The following MKLN1 variants were observed in gnomAD, a reference collection of about 807,000 sequenced individuals.
MKLN1 encodes muskelin 1.
Under a neutral mutation model 99.0 loss-of-function variants are expected in MKLN1, and 18 were observed. The observed-to-expected ratio is 0.18, with a 90% CI of 0.13 to 0.27. The LOEUF (loss-of-function observed/expected upper bound fraction) is 0.27. MKLN1 is among the 10% of genes least tolerant of loss of function. The pLI is 1.00. For missense variants in MKLN1, 621 were observed against 875.9 expected (o/e 0.71, Z 3.67); for synonymous variants, 288 against 293.2 (o/e 0.98, Z 0.18).
chr7:131,326,028 C>A (rs919502944), upstream of MKLN1, among the ~76,000 whole-genome samples: 21 of 151,978 alleles, frequency 1.4e-4, no homozygotes, highest in Non-Finnish European at 2.6e-4. Flanking sequence ...AACTAATTAA[C>A]ATGTGTTTTT....
intron 1 of MKLN1, among the ~76,000 whole-genome samples, chr7:131,336,917 C>G (rs1359439343): frequency 1.3e-5 from 2 of 152,106 alleles, no homozygotes; most frequent in Non-Finnish European, 1.5e-5. Context: ...TTTGGTGGTA[C>G]TGAATTCTCA....
At chr7:131,405,968 TAAG>T (rs1471593241) in intron 6 of MKLN1, among the ~76,000 whole-genome samples, 2 of 152,136 alleles carry the variant, frequency 1.3e-5, no homozygotes, top group African/African-American at 4.8e-5. Flanking sequence ...TCTTTATCAA[TAAG>T]AATTTTCTGT....
At chr7:131,267,412 G>A (rs1000153117) in intron 3 of MKLN1, among the ~76,000 whole-genome samples, 1 of 152,110 alleles carries the variant, frequency 6.6e-6, no homozygotes, top group African/African-American at 2.4e-5. Context: ...CCCTCCACCA[G>A]GGTCCTGACT....
chr7:131,371,763 A>AAC (rs1793470339), intron 1 of MKLN1, among the ~76,000 whole-genome samples: 2 of 124,922 alleles, frequency 1.6e-5, no homozygotes, highest in Admixed American at 1.6e-4. Context: ...TGACATATAT[A>AAC]ACATATATAT....
intron 10 of MKLN1, among the ~76,000 whole-genome samples, chr7:131,438,409 A>T (rs1795736134): frequency 6.6e-6 from 1 of 150,972 alleles, no homozygotes; most frequent in African/African-American, 2.4e-5. Context: ...TCTTCCAGTT[A>T]GAGTGAAATA....
rs180926707 is a variant in MKLN1 at position 131,242,715 on chromosome 7, C to G, written c.-179+39741C>G. 2.9e-5 allele frequency: 20 copies of G among 684,318 alleles called. No individual in the cohort carries two copies. The East Asian group carries it at 5.4e-4, about 18-fold the overall frequency. 42.4% of individuals were successfully genotyped at this position (684,318 alleles called of 1,614,324 possible). On this transcript the variant is annotated intron_variant, in intron 3 of 7. Coordinates refer to the MKLN1 transcript ENST00000416992. ...CTTAGATCGCCCCTACAGCCATGCT[C>G]TGGTGGCTGGAATTGACCGCTGTCC...
At chr7:131,344,853 G>C (rs1799508375) in intron 1 of MKLN1, among the ~76,000 whole-genome samples, 1 of 152,058 alleles carries the variant, frequency 6.6e-6, no homozygotes, top group African/African-American at 2.4e-5. Context: ...CCAGGCTGGA[G>C]TGCAGTGGCG....
intron 1 of MKLN1, among the ~76,000 whole-genome samples, chr7:131,335,680 T>G (rs1799229411): frequency 7.0e-6 from 1 of 143,018 alleles, no homozygotes. Context: ...TTTTGGCTTA[T>G]TCTTTGACCT....
chr7:131,461,662 A>G lies in MKLN1; in HGVS notation c.1526-1555A>G, dbSNP rs140736932. 1.5e-3 allele frequency among the ~76,000 whole-genome samples: 231 copies of G among 152,322 alleles called. 4 individuals are homozygous for G. The highest frequency in any genetic ancestry group is 5.2e-3 in the African/African-American group (217 of 41,574). On this transcript the variant is annotated intron_variant, in intron 12 of 17. Transcript: ENST00000352689. ...ATGGCTGGCATCTCCTGCAATACAT[A>G]GTATTCTAGGTTGACGTAAATATTT...
intron 3 of MKLN1, among the ~76,000 whole-genome samples, chr7:131,304,692 C>G (rs943826135): frequency 6.6e-6 from 1 of 152,128 alleles, no homozygotes; most frequent in Admixed American, 6.5e-5. Context: ...CCTTATAGGA[C>G]CTATCTGAAG....
chr7:131,173,974 C>CTTTTTTTT (rs1191131472), intron 2 of MKLN1, among the ~76,000 whole-genome samples: 2 of 129,676 alleles, frequency 1.5e-5, no homozygotes, highest in Non-Finnish European at 3.2e-5. Flanking sequence ...TTTTCTTTTT[C>CTTTTTTTT]TTTTTTTTTT....
intron 2 of MKLN1, among the ~76,000 whole-genome samples, chr7:131,380,390 A>C (rs1305539674): frequency 6.6e-6 from 1 of 152,220 alleles, no homozygotes; most frequent in Non-Finnish European, 1.5e-5. Context: ...ATGAAAATTA[A>C]TATTGAAAAT....
At chr7:131,226,016 C>T (rs1029428163) in intron 3 of MKLN1, among the ~76,000 whole-genome samples, 15 of 152,082 alleles carry the variant, frequency 9.9e-5, no homozygotes, top group Admixed American at 3.3e-4. Context: ...CTCTCTACCC[C>T]GCCTGCCTTC....
chr7:131,279,663 C>T (rs930292215), intron 3 of MKLN1, among the ~76,000 whole-genome samples: 4 of 152,012 alleles, frequency 2.6e-5, no homozygotes, highest in African/African-American at 9.7e-5. Context: ...AAAAAGTTAG[C>T]TGTGTGGTGG....
chr7:131,463,428 CAA>C, intron 13 of MKLN1, 64 bp downstream of exon 13: 1 of 1,480,672 alleles, frequency 6.8e-7, no homozygotes, highest in African/African-American at 1.4e-5. Context: ...TTGGTTTATT[CAA>C]AAAAGAGAGA....
chr7:131,493,923 C>T lies in MKLN1; in HGVS notation c.*6195C>T, dbSNP rs866569953. On this transcript the variant is annotated 3_prime_UTR_variant, in exon 18 of 18. Transcript: ENST00000352689. The stretch of plus-strand genomic sequence containing the variant: ...GGAAGAAGAAACACTGTGTGATATA[C>T]TGAACAAGCCTGTGTGCATGAATAA... The T allele has an allele frequency of 6.6e-6, 1 of 152,178 alleles. No individual in the cohort carries two copies. The highest frequency in any genetic ancestry group is 1.5e-5 in the Non-Finnish European group (1 of 68,038). The allele number at this position is 152,178 out of a possible 1,614,324, so 9.4% of individuals were successfully genotyped here. A position where few individuals can be genotyped will look rare whatever the true frequency, so the allele number is the denominator to read the frequency against.
At chr7:131,383,932 GCA>G (rs1793926486) in intron 2 of MKLN1, among the ~76,000 whole-genome samples, 1 of 152,168 alleles carries the variant, frequency 6.6e-6, no homozygotes, top group Non-Finnish European at 1.5e-5. Flanking sequence ...TCTCTGTAAT[GCA>G]CATTGTGTGC....
intron 12 of MKLN1, among the ~76,000 whole-genome samples, chr7:131,453,839 A>G (rs1329815092): frequency 2.0e-5 from 3 of 152,194 alleles, no homozygotes; most frequent in African/African-American, 7.2e-5. Context: ...GCTCTTATAA[A>G]CCAATAAAAG....
intron 3 of MKLN1, among the ~76,000 whole-genome samples, chr7:131,216,402 G>A (rs4731768): frequency 0.53 from 78,269 of 147,344 alleles, 20,934 homozygotes; most frequent in Admixed American, 0.59. Context: ...CAGCCTGGGC[G>A]ACAGACTGAG....
Sources: gnomAD v4.1 joint callset for allele counts (sites outside exome capture counted in the v4.1 genomes callset) on GRCh38, gnomAD v4.1.1 for gene constraint, MANE v1.5 for transcripts, NCBI Gene and HGNC (gene_info 2026-07-23, HGNC 2026-07-21) for gene names.